The following TSHZ2 variants were observed in gnomAD, a reference collection of about 807,000 sequenced individuals.
TSHZ2 encodes the protein teashirt homolog 2.
Under a neutral mutation model 74.4 loss-of-function variants are expected in TSHZ2, and 21 were observed. The observed-to-expected ratio is 0.28, with a 90% CI of 0.20 to 0.41. The LOEUF (loss-of-function observed/expected upper bound fraction) is 0.41, where lower values mean the gene tolerates loss of function less well. Ranked by LOEUF, TSHZ2 falls within the 10% of genes least tolerant of loss-of-function variation. The pLI, the probability that TSHZ2 is intolerant of heterozygous loss-of-function variation, is 1.00. For synonymous variants in TSHZ2, 540 were observed against 515.3 expected (o/e 1.05, Z -0.65); for missense variants, 1,244 against 1,293.5 (o/e 0.96, Z 0.59).
intron 2 of TSHZ2, among the ~76,000 whole-genome samples, chr20:53,387,400 A>G (rs1182115157): frequency 6.6e-6 from 1 of 152,186 alleles, no homozygotes; most frequent in Middle Eastern, 3.2e-3. Flanking sequence ...ATATTCTTTG[A>G]AGATGGTTTC....
chr20:53,342,929 G>A (rs903763938), intron 2 of TSHZ2, among the ~76,000 whole-genome samples: 1 of 123,002 alleles, frequency 8.1e-6, no homozygotes, highest in Non-Finnish European at 1.7e-5. Flanking sequence ...CTAAGAACCC[G>A]TATTTCTTTT....
At chr20:53,139,973 GT>G (rs11478206) in intron 1 of TSHZ2, among the ~76,000 whole-genome samples, 33,521 of 151,814 alleles carry the variant, frequency 0.22, 3,781 homozygotes, top group Admixed American at 0.26. Flanking sequence ...TTATCTGGCC[GT>G]TTTTTTGCCT....
chr20:53,055,580 T>G lies in TSHZ2; in HGVS notation c.40+82247T>G, dbSNP rs571242193. Among the ~76,000 whole-genome samples, 294 of 152,336 alleles carry G rather than the reference T, an allele frequency of 1.9e-3. 3 individuals carry two copies. Among genetic ancestry groups the G allele is most frequent in the Non-Finnish European group, 2.3e-3 (158 of 68,024 alleles). ...CCCAGAGGTAATGAATCCATTCCCA[T>G]TTTTACTCCTCCTCTCGTTGGAACA... On this transcript the variant is annotated intron_variant, in intron 1 of 2. Transcript: ENST00000371497.
intron 2 of TSHZ2, among the ~76,000 whole-genome samples, chr20:53,266,098 AG>A (rs1990711096): frequency 6.6e-6 from 1 of 152,200 alleles, no homozygotes; most frequent in African/African-American, 2.4e-5. Context: ...AGATCTAAGC[AG>A]TTAGACTTAC....
At chr20:53,450,964 AG>A in intron 2 of TSHZ2, among the ~76,000 whole-genome samples, 1 of 152,262 alleles carries the variant, frequency 6.6e-6, no homozygotes, top group South Asian at 2.1e-4. Flanking sequence ...CAGTCTCAGA[AG>A]CCCAGAGGGA....
intron 2 of TSHZ2, among the ~76,000 whole-genome samples, chr20:53,285,133 T>A (rs1991140560): frequency 1.3e-5 from 2 of 152,080 alleles, no homozygotes; most frequent in Non-Finnish European, 2.9e-5. Context: ...TTTCCCAAAC[T>A]TAAGAACTGG....
At chr20:53,077,693 G>T (rs1985410674) in intron 1 of TSHZ2, among the ~76,000 whole-genome samples, 1 of 152,130 alleles carries the variant, frequency 6.6e-6, no homozygotes, top group African/African-American at 2.4e-5. Flanking sequence ...CTGCACAAAG[G>T]TCAAAGAAAA....
intron 2 of TSHZ2, among the ~76,000 whole-genome samples, chr20:53,392,906 C>T (rs1982312035): frequency 1.3e-5 from 2 of 152,116 alleles, no homozygotes; most frequent in Non-Finnish European, 2.9e-5. Context: ...ATGATCTGGG[C>T]TCATTCAACC....
chr20:53,158,183 G>A (rs560411274), intron 1 of TSHZ2, among the ~76,000 whole-genome samples: 3 of 152,312 alleles, frequency 2.0e-5, no homozygotes, highest in African/African-American at 7.2e-5. Flanking sequence ...AGACAGCAAG[G>A]AGACCCGGAT....
At chr20:53,019,417 G>C (rs1444461525) in intron 1 of TSHZ2, among the ~76,000 whole-genome samples, 1 of 152,144 alleles carries the variant, frequency 6.6e-6, no homozygotes, top group Non-Finnish European at 1.5e-5. Context: ...CACTCCCACT[G>C]TGACTGCTGG....
intron 1 of TSHZ2, among the ~76,000 whole-genome samples, chr20:53,072,341 C>T (rs1985202643): frequency 6.6e-6 from 1 of 152,076 alleles, no homozygotes; most frequent in Non-Finnish European, 1.5e-5. Flanking sequence ...CAGGGTATAC[C>T]ACAAAATCAT....
chr20:53,074,562 AC>A lies in TSHZ2; in HGVS notation c.40+101230del, dbSNP rs1165015087. On this transcript the variant is annotated intron_variant, in intron 1 of 2. Coordinates refer to ENST00000371497, the MANE Select transcript of TSHZ2 (RefSeq NM_173485.6). This position sits in a 1 kb window ranked among gnomAD's most constrained non-coding sequence, Gnocchi z 5.9. ...AAGTATACACAGACTAAACAGCTGG[AC>A]AAAACTTGCAAAACAATGAAGAAAG... is the stretch of plus-strand genomic sequence containing the variant. 1.3e-5 allele frequency among the ~76,000 whole-genome samples: 2 copies of A among 152,230 alleles called. No individual in the cohort carries two copies. The highest frequency in any genetic ancestry group is 2.9e-5 in the Non-Finnish European group (2 of 68,042).
chr20:53,350,934 T>C (rs2096744116), intron 2 of TSHZ2, among the ~76,000 whole-genome samples: 1 of 152,238 alleles, frequency 6.6e-6, no homozygotes, highest in Admixed American at 6.5e-5. Context: ...ATTAGAATAG[T>C]TCACTTAGAT....
chr20:53,474,661 T>A (rs1180419804), intron 2 of TSHZ2, among the ~76,000 whole-genome samples: 1 of 131,000 alleles, frequency 7.6e-6, no homozygotes. Context: ...ATAACAGTAT[T>A]AACTTTAAAT....
intron 2 of TSHZ2, among the ~76,000 whole-genome samples, chr20:53,345,671 G>GC (rs1207949501): frequency 7.2e-6 from 1 of 138,112 alleles, no homozygotes; most frequent in African/African-American, 2.8e-5. Flanking sequence ...GATCCCGCCT[G>GC]CCCGCCCCCC....
chr20:53,204,043 T>A (rs1021304180), intron 1 of TSHZ2, among the ~76,000 whole-genome samples: 79 of 148,146 alleles, frequency 5.3e-4, no homozygotes, highest in African/African-American at 1.8e-3. Context: ...ATATCATAAT[T>A]TTATAATATA....
intron 1 of TSHZ2, among the ~76,000 whole-genome samples, chr20:53,132,010 G>A (rs552243577): frequency 1.3e-5 from 2 of 152,108 alleles, no homozygotes; most frequent in South Asian, 4.2e-4. Context: ...GAAGAAGGAA[G>A]AACTTGCAGG....
At chr20:53,239,732 C>T (rs975336626) in intron 1 of TSHZ2, among the ~76,000 whole-genome samples, 7 of 152,068 alleles carry the variant, frequency 4.6e-5, no homozygotes, top group Non-Finnish European at 1.0e-4. Context: ...AAAATTACCT[C>T]ATATTTTATC....
At chr20:53,342,627 T>C (rs1189773575) in intron 2 of TSHZ2, among the ~76,000 whole-genome samples, 1 of 152,158 alleles carries the variant, frequency 6.6e-6, no homozygotes, top group Non-Finnish European at 1.5e-5. Flanking sequence ...CTGTAGACAC[T>C]CACGTATGCC....
Sources: gnomAD v4.1 joint callset for allele counts (sites outside exome capture counted in the v4.1 genomes callset) on GRCh38, gnomAD v4.1.1 for gene constraint, Gnocchi (gnomAD v3.1) non-coding constraint, MANE v1.5 for transcripts, NCBI Gene and HGNC (gene_info 2026-07-23, HGNC 2026-07-21) for gene names.